ATXN10: variants seen among roughly 807,000 people sequenced by gnomAD.
ATXN10 encodes the protein ataxin 10.
A neutral mutation model predicts 52.9 loss-of-function variants in ATXN10; 28 were observed. The observed-to-expected ratio is 0.53, with a 90% CI of 0.39 to 0.73. The LOEUF is 0.73. ATXN10 is among the 30% of genes least tolerant of loss of function. ATXN10 has a pLI of 0.00. For missense variants in ATXN10, 565 were observed against 577.0 expected (o/e 0.98, Z 0.21); for synonymous variants, 226 against 221.5 (o/e 1.02, Z -0.18).
At chr22:45,729,049 A>G (rs181312944) in intron 6 of ATXN10, among the ~76,000 whole-genome samples, 34 of 152,344 alleles carry the variant, frequency 2.2e-4, no homozygotes, top group Admixed American at 5.9e-4. Context: ...TGTGTGTAAC[A>G]TGCTTAGCTC....
At chr22:45,803,188 G>A (rs749729196) in intron 9 of ATXN10, among the ~76,000 whole-genome samples, 6 of 152,158 alleles carry the variant, frequency 3.9e-5, no homozygotes, top group Non-Finnish European at 8.8e-5. Flanking sequence ...AGTCTTAGGG[G>A]TTTCTTGACT....
rs1569083403 is a variant in ATXN10 at position 45,835,101 on chromosome 22, C to T, written c.1238-7890C>T. Among the ~76,000 whole-genome samples, 1 of 152,168 alleles carries T rather than the reference C, an allele frequency of 6.6e-6. No homozygotes were observed. The highest frequency in any genetic ancestry group is 2.4e-5 in the African/African-American group (1 of 41,448). On this transcript the variant is annotated intron_variant, in intron 10 of 11. Coordinates refer to ENST00000252934, the MANE Select transcript of ATXN10 (RefSeq NM_013236.4). This position sits in a 1 kb window ranked among gnomAD's most constrained non-coding sequence, Gnocchi z 5.0. Reference sequence around the variant, plus strand: ...GTTTCATTGCCACAGGATCCTTCACCGCCAAAACCCCGTGAATGTGAGGTA... The same window carrying T: ...GTTTCATTGCCACAGGATCCTTCACTGCCAAAACCCCGTGAATGTGAGGTA...
At chr22:45,697,140 A>C (rs1923640661) in intron 3 of ATXN10, among the ~76,000 whole-genome samples, 1 of 151,946 alleles carries the variant, frequency 6.6e-6, no homozygotes, top group African/African-American at 2.4e-5. Flanking sequence ...TTAAAAAAAA[A>C]ATTTTTTTTT....
At chr22:45,746,766 C>G (rs543304342) in intron 9 of ATXN10, among the ~76,000 whole-genome samples, 5 of 152,276 alleles carry the variant, frequency 3.3e-5, no homozygotes, top group Admixed American at 2.0e-4. Context: ...ACGCTCCTCA[C>G]TATACTCTTC....
At chr22:45,822,275 A>C (rs1412696594) in intron 10 of ATXN10, among the ~76,000 whole-genome samples, 1 of 152,170 alleles carries the variant, frequency 6.6e-6, no homozygotes, top group East Asian at 1.9e-4. Context: ...TGGTACATAC[A>C]GTGCATGTGT....
chr22:45,810,021 ATATAT>A (rs1341109721), intron 10 of ATXN10, among the ~76,000 whole-genome samples: 2 of 152,124 alleles, frequency 1.3e-5, no homozygotes, highest in Non-Finnish European at 1.5e-5. Context: ...GATGATAATA[ATATAT>A]TATCTTTTGA....
In ATXN10 at chr22:45,762,619, C is replaced by G. The variant is rs1167245142; in HGVS notation, c.1173+22081C>G. On this transcript the variant is annotated intron_variant, in intron 9 of 11. Coordinates refer to ENST00000252934, the MANE Select transcript of ATXN10 (RefSeq NM_013236.4). This position sits in a 1 kb window ranked among gnomAD's most constrained non-coding sequence, Gnocchi z 4.3. Reference sequence around the variant, plus strand: ...GGCAAGAGTGTATGTGTTTAGGCCACAGGGAGAGCACAGACTCCCAGAGCA... The same window carrying G: ...GGCAAGAGTGTATGTGTTTAGGCCAGAGGGAGAGCACAGACTCCCAGAGCA... Among the ~76,000 whole-genome samples the G allele has an allele frequency of 6.6e-6, 1 of 152,178 alleles. No homozygotes were observed. Among genetic ancestry groups the G allele is most frequent in the African/African-American group, 2.4e-5 (1 of 41,454 alleles).
rs62225986 is a variant in ATXN10, at chr22:45,823,541, G to A, written c.1237+16519G>A. The stretch of plus-strand genomic sequence containing the variant: ...CCTTGTCATAAATCATTGTCCTACA[G>A]GCATGATTCTGTTTCCTGTGCTGTA... On this transcript the variant is annotated intron_variant, in intron 10 of 11. Coordinates refer to ENST00000252934, the MANE Select transcript of ATXN10 (RefSeq NM_013236.4). The surrounding 1 kb of genome is among the most constrained non-coding windows in gnomAD (Gnocchi z 4.9). Among the ~76,000 whole-genome samples the A allele has an allele frequency of 4.7e-3, 719 of 152,194 alleles. 6 individuals are homozygous for A. The highest frequency in any genetic ancestry group is 6.8e-3 in the Middle Eastern group (2 of 294).
Position 45,769,385 on chromosome 22 carries a change from T to C in ATXN10, c.1173+28847T>C, listed in dbSNP as rs1219926598. 6.6e-6 allele frequency among the ~76,000 whole-genome samples: 1 copy of C among 151,936 alleles called. No homozygotes were observed. Among genetic ancestry groups the C allele is most frequent in the Non-Finnish European group, 1.5e-5 (1 of 68,014 alleles). On this transcript the variant is annotated intron_variant, in intron 9 of 11. Coordinates refer to ENST00000252934, the MANE Select transcript of ATXN10 (RefSeq NM_013236.4). This position sits in a 1 kb window ranked among gnomAD's most constrained non-coding sequence, Gnocchi z 4.2. ...GGTACAGGGCACTGTGCTAGGTAGA[T>C]GGGAGAATCAAGCATGAAATGGGTA...
chr22:45,729,550 CTG>C lies in ATXN10; in HGVS notation c.857_858del (p.Val286AlafsTer6), dbSNP rs756105988. 3 of 1,614,044 alleles carry C rather than the reference CTG, an allele frequency of 1.9e-6. No homozygotes were observed. In the African/African-American group the frequency reaches 4.0e-5, roughly 22 times the overall value. ...AGCACCTTTGTGGATCAGTGCAAGA[CTG>C]TGCTCAAGCTGGCCTCTGAGGAGCC... On this transcript the variant is annotated frameshift_variant, in exon 7 of 12. Transcript: ENST00000252934. LOFTEE classifies it high-confidence loss of function.
intron 9 of ATXN10, among the ~76,000 whole-genome samples, chr22:45,756,980 C>T (rs889823773): frequency 2.6e-5 from 4 of 152,102 alleles, no homozygotes; most frequent in African/African-American, 4.8e-5. Context: ...TCCATCAGCA[C>T]GTGGAAACTG....
At chr22:45,801,787 C>T (rs1021030571) in intron 9 of ATXN10, among the ~76,000 whole-genome samples, 10 of 152,152 alleles carry the variant, frequency 6.6e-5, no homozygotes, top group African/African-American at 1.9e-4. Context: ...TAAAGGAAAC[C>T]TTTAGAATCT....
chr22:45,711,595 T>C (rs1299434997), intron 5 of ATXN10, among the ~76,000 whole-genome samples: 3 of 152,186 alleles, frequency 2.0e-5, no homozygotes. Context: ...ACTATAGTTT[T>C]ACAGATGTTA....
intron 9 of ATXN10, among the ~76,000 whole-genome samples, chr22:45,749,717 A>G (rs1925873446): frequency 6.6e-6 from 1 of 152,048 alleles, no homozygotes. Context: ...ATGTGCCACC[A>G]TGCCCGACTA....
In ATXN10 at chr22:45,763,295, G is replaced by A. The variant is rs1436356721; in HGVS notation, c.1173+22757G>A. ...TGTTCAAGGCAGAGAAGGAAGGAAC[G>A]AGGGAACTGGCTGGAGAGACTTGGA... On this transcript the variant is annotated intron_variant, in intron 9 of 11. Coordinates refer to ENST00000252934, the MANE Select transcript of ATXN10 (RefSeq NM_013236.4). The surrounding 1 kb of genome is among the most constrained non-coding windows in gnomAD (Gnocchi z 6.9). Among the ~76,000 whole-genome samples, 2 of 152,170 alleles carry A rather than the reference G, an allele frequency of 1.3e-5. No individual in the cohort carries two copies. The highest frequency in any genetic ancestry group is 2.4e-5 in the African/African-American group (1 of 41,444).
intron 10 of ATXN10, among the ~76,000 whole-genome samples, chr22:45,831,938 C>T (rs1243017173): frequency 6.6e-6 from 1 of 152,236 alleles, no homozygotes; most frequent in Non-Finnish European, 1.5e-5. Context: ...ACATGGCAAA[C>T]ACCCCCTTCC....
At chr22:45,689,070 A>AC (rs1923263355) in intron 1 of ATXN10, among the ~76,000 whole-genome samples, 1 of 152,126 alleles carries the variant, frequency 6.6e-6, no homozygotes, top group Non-Finnish European at 1.5e-5. Flanking sequence ...GGCACACTTT[A>AC]CATTCTCCCC....
At chr22:45,720,059 C>T (rs970945542) in intron 6 of ATXN10, among the ~76,000 whole-genome samples, 2 of 152,088 alleles carry the variant, frequency 1.3e-5, no homozygotes, top group African/African-American at 4.8e-5. Context: ...TAAAGTGTTC[C>T]TCTAGTATAT....
rs916357134 is a variant in ATXN10 at position 45,750,761 on chromosome 22, G to A, written c.1173+10223G>A. ...CAGACATAGTTTCCAAACAGACCCAGGAGAAGTTATACGAATTTACCATGT... is the reference window on the plus strand; with the variant it reads ...CAGACATAGTTTCCAAACAGACCCAAGAGAAGTTATACGAATTTACCATGT... On this transcript the variant is annotated intron_variant, in intron 9 of 11. Coordinates refer to ENST00000252934, the MANE Select transcript of ATXN10 (RefSeq NM_013236.4). This position sits in a 1 kb window ranked among gnomAD's most constrained non-coding sequence, Gnocchi z 4.2. 2.6e-5 allele frequency among the ~76,000 whole-genome samples: 4 copies of A among 152,170 alleles called. No homozygotes were observed. The highest frequency in any genetic ancestry group is 1.3e-4 in the Admixed American group (2 of 15,278).
Sources: gnomAD v4.1 joint callset for allele counts (sites outside exome capture counted in the v4.1 genomes callset) on GRCh38, gnomAD v4.1.1 for gene constraint, Gnocchi (gnomAD v3.1) non-coding constraint, MANE v1.5 for transcripts, NCBI Gene and HGNC (gene_info 2026-07-23, HGNC 2026-07-21) for gene names.